The following ITFG1 variants were observed in gnomAD, a reference collection of about 807,000 sequenced individuals.
ITFG1 encodes the protein integrin alpha FG-GAP repeat containing 1.
ITFG1 carries 34 observed loss-of-function variants against 81.8 expected under a neutral mutation model. The ratio of observed to expected loss-of-function variants is 0.42; its 90% CI spans 0.32 to 0.55. The LOEUF (loss-of-function observed/expected upper bound fraction) is 0.55, where lower values mean the gene tolerates loss of function less well. Among genes scored for constraint, ITFG1 ranks in the 20% least tolerant of loss-of-function variants. ITFG1 has a pLI of 0.17. For synonymous variants in ITFG1, 285 were observed against 270.6 expected (o/e 1.05, Z -0.52); for missense variants, 672 against 755.4 (o/e 0.89, Z 1.29).
At chr16:47,336,868 GAGA>G (rs1046705229) in intron 8 of ITFG1, among the ~76,000 whole-genome samples, 3 of 151,414 alleles carry the variant, frequency 2.0e-5, no homozygotes, top group African/African-American at 4.9e-5. Flanking sequence ...GAGGCTGAGG[GAGA>G]AGAATTGTCT....
intron 12 of ITFG1, among the ~76,000 whole-genome samples, chr16:47,249,893 T>C (rs1966049209): frequency 6.6e-6 from 1 of 152,180 alleles, no homozygotes; most frequent in African/African-American, 2.4e-5. Flanking sequence ...ACTGTAACAC[T>C]AAGCCAACGT....
intron 8 of ITFG1, among the ~76,000 whole-genome samples, chr16:47,322,263 A>G (rs1967459475): frequency 1.3e-5 from 2 of 152,234 alleles, no homozygotes; most frequent in Non-Finnish European, 1.5e-5. Context: ...GTAACGCTGG[A>G]AAGTGTGACA....
intron 8 of ITFG1, among the ~76,000 whole-genome samples, chr16:47,349,638 T>G (rs117695754): frequency 6.6e-6 from 1 of 152,274 alleles, no homozygotes; most frequent in East Asian, 1.9e-4. Context: ...ACTGTCAATG[T>G]TAAACAGATC....
At chr16:47,337,407 T>C (rs893160799) in intron 8 of ITFG1, among the ~76,000 whole-genome samples, 1 of 151,644 alleles carries the variant, frequency 6.6e-6, no homozygotes. Context: ...CCATCTCTAC[T>C]AAAAATACAA....
chr16:47,360,174 T>C (rs1267004773), intron 8 of ITFG1, among the ~76,000 whole-genome samples: 1 of 152,244 alleles, frequency 6.6e-6, no homozygotes, highest in East Asian at 1.9e-4. Flanking sequence ...GCTATTTGAC[T>C]GAATCCTATG....
chr16:47,379,390 C>T (rs1455416778), intron 6 of ITFG1, among the ~76,000 whole-genome samples: 1 of 152,072 alleles, frequency 6.6e-6, no homozygotes, highest in Admixed American at 6.6e-5. Flanking sequence ...AAAACAGACA[C>T]TAAGATGAGA....
At chr16:47,175,812 T>G (rs1479404203) in intron 14 of ITFG1, among the ~76,000 whole-genome samples, 3 of 152,190 alleles carry the variant, frequency 2.0e-5, no homozygotes, top group Non-Finnish European at 2.9e-5. Flanking sequence ...CAGTGGTTAG[T>G]CACAGATGTG....
chr16:47,452,012 T>C (rs1053225096), intron 4 of ITFG1, among the ~76,000 whole-genome samples: 2 of 152,192 alleles, frequency 1.3e-5, no homozygotes, highest in African/African-American at 4.8e-5. Flanking sequence ...GTATAAAACT[T>C]CATACTGGCC....
At chr16:47,236,735 A>T (rs955990065) in intron 13 of ITFG1, among the ~76,000 whole-genome samples, 4 of 152,216 alleles carry the variant, frequency 2.6e-5, no homozygotes, top group African/African-American at 9.6e-5. Flanking sequence ...GATGAATCCC[A>T]TCCACAGTTT....
chr16:47,377,293 G>A (rs547269436), intron 6 of ITFG1, among the ~76,000 whole-genome samples: 3 of 152,238 alleles, frequency 2.0e-5, no homozygotes, highest in East Asian at 1.9e-4. Flanking sequence ...CAAGGAAAAT[G>A]CTTTGCCTGT....
chr16:47,314,871 T>C (rs369063307), intron 8 of ITFG1, among the ~76,000 whole-genome samples: 1 of 152,144 alleles, frequency 6.6e-6, no homozygotes, highest in African/African-American at 2.4e-5. Context: ...ATATGCTTCA[T>C]TGTATATTTA....
intron 6 of ITFG1, among the ~76,000 whole-genome samples, chr16:47,407,424 T>C (rs1968742743): frequency 6.6e-6 from 1 of 151,922 alleles, no homozygotes; most frequent in Non-Finnish European, 1.5e-5. Context: ...TGATCTCGGC[T>C]CACTGCAACC....
chr16:47,396,937 T>C (rs538031348), intron 6 of ITFG1, among the ~76,000 whole-genome samples: 6 of 152,238 alleles, frequency 3.9e-5, no homozygotes, highest in African/African-American at 1.4e-4. Context: ...CTGCAGACAC[T>C]GAAATCACCT....
At chr16:47,248,431 C>G (rs762019437) in intron 12 of ITFG1, among the ~76,000 whole-genome samples, 12 of 151,848 alleles carry the variant, frequency 7.9e-5, no homozygotes, top group Non-Finnish European at 1.5e-4. Context: ...CAAAACCTTA[C>G]CAATAAAAAA....
At chr16:47,354,076 C>T (rs560317741) in intron 8 of ITFG1, among the ~76,000 whole-genome samples, 153 of 152,186 alleles carry the variant, frequency 1.0e-3, no homozygotes, top group Middle Eastern at 3.4e-3. Context: ...GGAACCACAA[C>T]AGACTTTGAA....
intron 6 of ITFG1, among the ~76,000 whole-genome samples, chr16:47,413,030 A>G (rs542138117): frequency 6.6e-6 from 1 of 152,226 alleles, no homozygotes; most frequent in African/African-American, 2.4e-5. Flanking sequence ...TTCCTGTGAG[A>G]TACTATACAA....
chr16:47,282,340 C>T (rs1388286882), intron 10 of ITFG1, among the ~76,000 whole-genome samples: 1 of 152,086 alleles, frequency 6.6e-6, no homozygotes, highest in Non-Finnish European at 1.5e-5. Context: ...CAAGTGAGAA[C>T]ATGCAGTATT....
At chr16:47,347,619 C>T (rs561449233) in intron 8 of ITFG1, among the ~76,000 whole-genome samples, 1 of 152,340 alleles carries the variant, frequency 6.6e-6, no homozygotes, top group African/African-American at 2.4e-5. Flanking sequence ...CCTCTGGGGG[C>T]AGGGCATAGC....
chr16:47,287,145 C>T (rs904194926), intron 10 of ITFG1, among the ~76,000 whole-genome samples: 2 of 152,068 alleles, frequency 1.3e-5, no homozygotes, highest in Non-Finnish European at 2.9e-5. Context: ...CAACTAGACC[C>T]GAAGACCATT....
Sources: gnomAD v4.1 joint callset for allele counts (sites outside exome capture counted in the v4.1 genomes callset) on GRCh38, gnomAD v4.1.1 for gene constraint, MANE v1.5 for transcripts, NCBI Gene and HGNC (gene_info 2026-07-23, HGNC 2026-07-21) for gene names.